The following SLIT3 variants were observed in gnomAD, a reference collection of about 807,000 sequenced individuals.
SLIT3 encodes the protein slit homolog 3 protein.
In SLIT3, 68 loss-of-function variants were observed where a neutral mutation model predicts 184.0. The ratio of observed to expected loss-of-function variants is 0.37; its 90% confidence interval spans 0.30 to 0.45. The LOEUF is 0.45. Ranked by LOEUF, SLIT3 falls within the 20% of genes least tolerant of loss-of-function variation. SLIT3 has a pLI of 1.00. For missense variants in SLIT3, 1,707 were observed against 2,026.0 expected, an observed-to-expected ratio of 0.84 and a Z score of 3.02; for synonymous variants, 831 against 828.6, an observed-to-expected ratio of 1.00 and a Z score of -0.05.
At chr5:168,953,148 T>C (rs904408247) in intron 4 of SLIT3, among the ~76,000 whole-genome samples, 10 of 152,110 alleles carry the variant, frequency 6.6e-5, no homozygotes, top group African/African-American at 2.4e-4. Flanking sequence ...CAAGGCCTAG[T>C]TGGGAACAGG....
At chr5:168,696,151 C>G (rs753159085) in intron 28 of SLIT3, 141 bp downstream of exon 28, 3 of 1,009,168 alleles carry the variant, frequency 3.0e-6, no homozygotes, top group Middle Eastern at 5.1e-4. Flanking sequence ...CTTTGGGGAG[C>G]CCCTCTTGGC....
At chr5:168,851,749 A>G (rs1006062952) in intron 5 of SLIT3, among the ~76,000 whole-genome samples, 4 of 152,212 alleles carry the variant, frequency 2.6e-5, no homozygotes, top group Non-Finnish European at 5.9e-5. Flanking sequence ...GCCAACTGCG[A>G]TGGCTGCTTA....
intron 26 of SLIT3, 123 bp downstream of exon 26, chr5:168,707,853 T>C: frequency 8.2e-7 from 1 of 1,216,034 alleles, no homozygotes; most frequent in Non-Finnish European, 1.2e-6. Flanking sequence ...ACCTGTGCGA[T>C]GGACTCATCC....
intron 4 of SLIT3, among the ~76,000 whole-genome samples, chr5:169,091,159 C>T (rs184063337): frequency 6.6e-6 from 1 of 152,260 alleles, no homozygotes; most frequent in East Asian, 1.9e-4. Flanking sequence ...TAAGTCACAT[C>T]TTAACTTTGA....
In SLIT3 at chr5:168,850,589, C is replaced by A. The variant is rs530798864; in HGVS notation, c.486-5934G>T. The stretch of plus-strand genomic sequence containing the variant: ...TAGCATTCCAAAGACTTCAACCAAC[C>A]AAATCTACTTTGTAAAGGACAAAGT... On this transcript the variant is annotated intron_variant, in intron 5 of 35. Transcript: ENST00000519560. 3.3e-5 allele frequency among the ~76,000 whole-genome samples: 5 copies of A among 152,292 alleles called. No homozygotes were observed. The South Asian group carries it at 8.3e-4, about 25-fold the overall frequency.
At chr5:168,780,539 A>G (rs148793671) in intron 12 of SLIT3, among the ~76,000 whole-genome samples, 171 of 152,374 alleles carry the variant, frequency 1.1e-3, no homozygotes, top group African/African-American at 3.7e-3. Context: ...AAAGTGGGTT[A>G]TGAAGGCTCT....
At chr5:168,736,404 A>G (rs1451766477) in intron 20 of SLIT3, among the ~76,000 whole-genome samples, 1 of 152,100 alleles carries the variant, frequency 6.6e-6, no homozygotes, top group Non-Finnish European at 1.5e-5. Context: ...GATGTGATCA[A>G]CCCCTCCAGC....
intron 4 of SLIT3, among the ~76,000 whole-genome samples, chr5:169,085,601 A>G (rs763517351): frequency 2.0e-5 from 3 of 152,308 alleles, no homozygotes; most frequent in Middle Eastern, 3.4e-3. Context: ...AAATTAATGA[A>G]ATGGAAATAA....
chr5:169,221,785 G>A (rs1764626896), intron 3 of SLIT3, among the ~76,000 whole-genome samples: 1 of 152,228 alleles, frequency 6.6e-6, no homozygotes, highest in Non-Finnish European at 1.5e-5. Flanking sequence ...AATGCACAGA[G>A]TGGGATGTGC....
At chr5:169,264,253 G>A (rs1276207950) in intron 1 of SLIT3, among the ~76,000 whole-genome samples, 1 of 152,044 alleles carries the variant, frequency 6.6e-6, no homozygotes, top group Non-Finnish European at 1.5e-5. Flanking sequence ...GAGTGTAGTG[G>A]TGCAATCTCG....
chr5:168,781,875 T>A (rs1105638), intron 12 of SLIT3, among the ~76,000 whole-genome samples: 15,644 of 152,148 alleles, frequency 0.1, 1,065 homozygotes, highest in South Asian at 0.29. Flanking sequence ...TAAGTGACAA[T>A]GGTCAAGTCA....
intron 4 of SLIT3, among the ~76,000 whole-genome samples, chr5:168,975,771 C>T (rs1271462687): frequency 6.6e-6 from 1 of 152,196 alleles, no homozygotes; most frequent in Non-Finnish European, 1.5e-5. Flanking sequence ...CACTCCACCT[C>T]CTTCCGTTTC....
chr5:168,865,096 A>G (rs918421452), intron 5 of SLIT3, among the ~76,000 whole-genome samples: 1 of 137,110 alleles, frequency 7.3e-6, no homozygotes, highest in African/African-American at 2.7e-5. Flanking sequence ...TGAACCTGGG[A>G]GGCGAGGCGG....
intron 4 of SLIT3, among the ~76,000 whole-genome samples, chr5:169,176,280 G>A (rs1336213549): frequency 6.6e-6 from 1 of 152,194 alleles, no homozygotes; most frequent in African/African-American, 2.4e-5. Context: ...TCAGGAAACA[G>A]TGAGGTTTAC....
At chr5:169,101,833 CTTT>C (rs1239199695) in intron 4 of SLIT3, among the ~76,000 whole-genome samples, 2 of 152,112 alleles carry the variant, frequency 1.3e-5, no homozygotes, top group African/African-American at 4.8e-5. Flanking sequence ...TGTCTTTTAT[CTTT>C]TTCTCCACCG....
chr5:168,732,364 C>T (rs766199073), intron 20 of SLIT3, among the ~76,000 whole-genome samples: 17 of 152,016 alleles, frequency 1.1e-4, no homozygotes, highest in Non-Finnish European at 2.1e-4. Flanking sequence ...GAAGAACTAA[C>T]GTTGTTAAAA....
intron 5 of SLIT3, among the ~76,000 whole-genome samples, chr5:168,864,940 G>A (rs997390790): frequency 2.0e-5 from 3 of 152,154 alleles, no homozygotes; most frequent in Non-Finnish European, 4.4e-5. Context: ...GACCGAGGCG[G>A]GTGGATCACC....
At position 169,197,812 on chromosome 5, in the gene SLIT3, TA is replaced by T. The variant is rs34341770; in HGVS notation, c.342-4263del. Among the ~76,000 whole-genome samples the T allele has an allele frequency of 1.8e-4, 27 of 148,336 alleles. No homozygotes were observed. In the East Asian group the frequency reaches 4.1e-3, roughly 23 times the overall value. ...GATGCAACAATGGGGAGCATAAAGG[TA>T]AAAAAAAAACCAACTGGCTGCTGAG... On this transcript the variant is annotated intron_variant, in intron 3 of 35. Transcript: ENST00000519560.
intron 4 of SLIT3, among the ~76,000 whole-genome samples, chr5:169,006,781 C>T (rs1755950068): frequency 6.6e-6 from 1 of 152,216 alleles, no homozygotes; most frequent in African/African-American, 2.4e-5. Context: ...TACCAGGAAG[C>T]CTGAGTGCCT....
Sources: allele counts gnomAD v4.1 joint callset (sites outside exome capture counted in the v4.1 genomes callset), GRCh38; gene constraint gnomAD v4.1.1; transcripts MANE v1.5; gene names NCBI Gene and HGNC (gene_info 2026-07-23, HGNC 2026-07-21).